Variants in RIN2 observed in about 807,000 individuals in gnomAD.
The protein encoded by RIN2 is Ras and Rab interactor 2.
RIN2 carries 36 observed loss-of-function variants against 78.0 expected under a neutral mutation model. That is an observed-to-expected ratio of 0.46 (90% CI 0.35 to 0.61). The LOEUF is 0.61. RIN2 is among the 20% of genes least tolerant of loss of function. The pLI, the probability that RIN2 is intolerant of heterozygous loss-of-function variation, is 0.00. For synonymous variants in RIN2, 466 were observed against 466.8 expected (o/e 1.00, Z 0.02); for missense variants, 1,087 against 1,159.7 (o/e 0.94, Z 0.91).
At chr20:19,965,317 AAC>A (rs557515602) in intron 7 of RIN2, among the ~76,000 whole-genome samples, 2 of 152,134 alleles carry the variant, frequency 1.3e-5, no homozygotes, top group African/African-American at 2.4e-5. Context: ...TCAAGCAGGA[AAC>A]ACACACACAC....
At chr20:19,790,389 T>C (rs1013825666) in intron 1 of RIN2, among the ~76,000 whole-genome samples, 3 of 152,190 alleles carry the variant, frequency 2.0e-5, no homozygotes. Context: ...TCTCTATTTG[T>C]GTATGTGGGT....
chr20:19,868,628 A>C (rs1243404279), intron 2 of RIN2, among the ~76,000 whole-genome samples: 1 of 152,174 alleles, frequency 6.6e-6, no homozygotes, highest in East Asian at 1.9e-4. Flanking sequence ...GTAGGGGCAC[A>C]CAGCCTATGT....
chr20:19,940,052 A>G (rs1233864252), intron 4 of RIN2, among the ~76,000 whole-genome samples: 1 of 151,996 alleles, frequency 6.6e-6, no homozygotes, highest in African/African-American at 2.4e-5. Flanking sequence ...ACATTTCATC[A>G]TGTTGCCCAG....
chr20:19,826,974 G>GC (rs2036108280), intron 2 of RIN2, among the ~76,000 whole-genome samples: 1 of 100,960 alleles, frequency 9.9e-6, no homozygotes, highest in African/African-American at 5.8e-5. Flanking sequence ...TTTGGTTTTG[G>GC]GTTTTTTTTT....
intron 2 of RIN2, among the ~76,000 whole-genome samples, chr20:19,863,601 G>T (rs2037411032): frequency 6.6e-6 from 1 of 152,166 alleles, no homozygotes; most frequent in Non-Finnish European, 1.5e-5. Context: ...GCTGTCAATG[G>T]CTTGAAAATC....
At chr20:20,000,563 CTA>C in intron 12 of RIN2, 48 bp from the exon 13 acceptor site, 1 of 1,438,080 alleles carries the variant, frequency 7.0e-7, no homozygotes, top group Non-Finnish European at 9.6e-7. Context: ...ATCATGCTCA[CTA>C]TCTAGTTTTC....
At position 19,859,249 on chromosome 20, in the gene RIN2, C is replaced by T. The variant is rs371386085; in HGVS notation, c.-36-30317C>T. On this transcript the variant is annotated intron_variant, in intron 2 of 12. Coordinates refer to ENST00000255006, the MANE Select transcript of RIN2 (RefSeq NM_018993.4). ...GGCAGGCAGGATGTGGCTGCAGAGA[C>T]GCCCCTGGGCGTCCACCCTCAGGCA... is the stretch of plus-strand genomic sequence containing the variant. 9.0e-4 allele frequency among the ~76,000 whole-genome samples: 137 copies of T among 152,334 alleles called. 1 individual carries two copies. Among genetic ancestry groups the T allele is most frequent in the African/African-American group, 3.2e-3 (134 of 41,580 alleles).
chr20:19,946,497 T>C (rs534697671), intron 4 of RIN2, among the ~76,000 whole-genome samples: 1 of 152,016 alleles, frequency 6.6e-6, no homozygotes, highest in South Asian at 2.1e-4. Context: ...GTGGGAGGAT[T>C]GATTGAGACC....
intron 3 of RIN2, among the ~76,000 whole-genome samples, chr20:19,920,733 T>A (rs2039881723): frequency 6.6e-6 from 1 of 152,216 alleles, no homozygotes; most frequent in Admixed American, 6.5e-5. Flanking sequence ...TGGAGCACAG[T>A]GGCGTGATCA....
At chr20:19,988,973 GCA>G (rs1390303915) in intron 9 of RIN2, among the ~76,000 whole-genome samples, 2 of 151,672 alleles carry the variant, frequency 1.3e-5, no homozygotes, top group Non-Finnish European at 2.9e-5. Flanking sequence ...ACAAATACGT[GCA>G]CACACACTGT....
chr20:19,974,645 G>T lies in RIN2; in HGVS notation c.629-9G>T. 1 of 1,608,580 alleles carries T rather than the reference G, an allele frequency of 6.2e-7. No individual in the cohort carries two copies. The highest frequency in any genetic ancestry group is 1.1e-5 in the South Asian group (1 of 90,778). Reference sequence around the variant, plus strand: ...TTACATTCTTGTGTTCACTGATAATGACTTTCAGATTTCTGGAGCTCCCCA... The same window carrying T: ...TTACATTCTTGTGTTCACTGATAATTACTTTCAGATTTCTGGAGCTCCCCA... On this transcript the variant is annotated splice_polypyrimidine_tract_variant and intron_variant, in intron 8 of 12. Transcript: ENST00000255006.
intron 2 of RIN2, among the ~76,000 whole-genome samples, chr20:19,858,437 C>T (rs1230049879): frequency 2.0e-5 from 3 of 152,184 alleles, no homozygotes; most frequent in Non-Finnish European, 4.4e-5. Flanking sequence ...TAACTGACTT[C>T]AGTGCTGTCC....
intron 9 of RIN2, among the ~76,000 whole-genome samples, chr20:19,982,099 G>T (rs2042472013): frequency 6.6e-6 from 1 of 152,208 alleles, no homozygotes; most frequent in African/African-American, 2.4e-5. Context: ...TTTTCAGAGG[G>T]CTTCCCCTCA....
intron 2 of RIN2, among the ~76,000 whole-genome samples, chr20:19,857,412 G>T (rs992336346): frequency 2.6e-5 from 4 of 151,948 alleles, no homozygotes; most frequent in Non-Finnish European, 5.9e-5. Flanking sequence ...TTCTAGTCTG[G>T]ACTATAATGA....
intron 3 of RIN2, among the ~76,000 whole-genome samples, chr20:19,893,515 A>G (rs1020520631): frequency 6.6e-6 from 1 of 152,168 alleles, no homozygotes; most frequent in Admixed American, 6.5e-5. Context: ...AGTAGTTAGC[A>G]CTACTAGTGA....
At chr20:19,877,200 T>C (rs945425722) in intron 2 of RIN2, among the ~76,000 whole-genome samples, 5 of 152,196 alleles carry the variant, frequency 3.3e-5, no homozygotes, top group Admixed American at 1.3e-4. Context: ...ACCAAGAAAC[T>C]CAGCTTCTGG....
At chr20:19,781,143 C>G (rs962315497) in intron 1 of RIN2, among the ~76,000 whole-genome samples, 2 of 152,144 alleles carry the variant, frequency 1.3e-5, no homozygotes, top group Non-Finnish European at 2.9e-5. Flanking sequence ...GCTGGAGACA[C>G]GTGACCTCAC....
chr20:19,891,379 G>A (rs190971861), intron 3 of RIN2, among the ~76,000 whole-genome samples: 12 of 152,206 alleles, frequency 7.9e-5, no homozygotes, highest in Admixed American at 2.6e-4. Flanking sequence ...CTGTTAAGAG[G>A]GATGATCCAA....
chr20:19,873,727 C>T (rs973883219), intron 2 of RIN2, among the ~76,000 whole-genome samples: 8 of 152,156 alleles, frequency 5.3e-5, no homozygotes, highest in African/African-American at 1.7e-4. Context: ...AGTGCATCTC[C>T]ATAGAACCGA....
Sources: allele counts gnomAD v4.1 joint callset (sites outside exome capture counted in the v4.1 genomes callset), GRCh38; gene constraint gnomAD v4.1.1; transcripts MANE v1.5; gene names NCBI Gene and HGNC (gene_info 2026-07-23, HGNC 2026-07-21).